The following CSMD1 variants were observed in gnomAD, a reference collection of about 807,000 sequenced individuals.
CSMD1 encodes CUB and Sushi multiple domains 1, also known as CUB and sushi domain-containing protein 1.
CSMD1 carries 213 observed loss-of-function variants against 417.5 expected under a neutral mutation model. The observed-to-expected ratio is 0.51, with a 90% CI of 0.46 to 0.57. The LOEUF is 0.57. CSMD1 is among the 20% of genes least tolerant of loss of function. The pLI is 0.00. For missense variants in CSMD1, 6,923 were observed against 4,529.7 expected (o/e 1.53, Z -15.17); for synonymous variants, 2,862 against 1,736.8 (o/e 1.65, Z -16.11).
chr8:4,011,456 A>G (rs1168964292), intron 4 of CSMD1, among the ~76,000 whole-genome samples: 1 of 152,060 alleles, frequency 6.6e-6, no homozygotes, highest in Non-Finnish European at 1.5e-5. Context: ...AGATGTCCAC[A>G]TTTGCGGTCT....
At chr8:3,081,453 T>G (rs1394982838) in intron 49 of CSMD1, among the ~76,000 whole-genome samples, 1 of 152,228 alleles carries the variant, frequency 6.6e-6, no homozygotes, top group Admixed American at 6.5e-5. Flanking sequence ...TTGCTATTTT[T>G]TAAAATTATT....
At chr8:3,181,453 A>G (rs894366657) in intron 36 of CSMD1, among the ~76,000 whole-genome samples, 3 of 152,194 alleles carry the variant, frequency 2.0e-5, no homozygotes, top group African/African-American at 7.2e-5. Context: ...TTTCTCTTGT[A>G]CAAAAACTCC....
intron 2 of CSMD1, among the ~76,000 whole-genome samples, chr8:4,449,004 T>C (rs1798976258): frequency 1.3e-5 from 2 of 152,308 alleles, no homozygotes; most frequent in South Asian, 4.1e-4. Context: ...GTATTATTTA[T>C]TACTTGTGTG....
intron 2 of CSMD1, among the ~76,000 whole-genome samples, chr8:4,543,671 GAAAAA>G (rs35739254): frequency 2.3e-3 from 134 of 57,334 alleles, no homozygotes; most frequent in African/African-American, 7.9e-3. Flanking sequence ...GTTTAATTTT[GAAAAA>G]AAAAAAAAAA....
At chr8:3,854,450 T>C (rs1804149464) in intron 5 of CSMD1, among the ~76,000 whole-genome samples, 1 of 152,138 alleles carries the variant, frequency 6.6e-6, no homozygotes, top group South Asian at 2.1e-4. Flanking sequence ...CAGTACAACT[T>C]CAAAATTACT....
rs562460005 is a variant in CSMD1, at chr8:4,897,521, G to C, written c.85+96811C>G. 2.6e-5 allele frequency among the ~76,000 whole-genome samples: 4 copies of C among 152,022 alleles called. No individual in the cohort carries two copies. The South Asian group carries it at 8.3e-4, about 32-fold the overall frequency. ...GGCTATAACCTCTCATATCCTATTC[G>C]GTGACAAAATTAAACTATGTGCTAG... On this transcript the variant is annotated intron_variant, in intron 1 of 69. Transcript: ENST00000635120.
chr8:4,608,922 C>A (rs1329446511), intron 2 of CSMD1, among the ~76,000 whole-genome samples: 2 of 152,000 alleles, frequency 1.3e-5, no homozygotes, highest in African/African-American at 2.4e-5. Context: ...CAAAGTTAAG[C>A]CCTGTAAACC....
chr8:3,819,888 C>T (rs762348837), intron 5 of CSMD1, among the ~76,000 whole-genome samples: 55 of 152,136 alleles, frequency 3.6e-4, no homozygotes, highest in Non-Finnish European at 5.9e-4. Flanking sequence ...AGCAGGGATC[C>T]AGAGTGCTAT....
intron 12 of CSMD1, among the ~76,000 whole-genome samples, chr8:3,431,874 A>G (rs1814237784): frequency 6.6e-6 from 1 of 152,218 alleles, no homozygotes; most frequent in Admixed American, 6.5e-5. Flanking sequence ...ACAGTGAGAT[A>G]AGATATCGGC....
chr8:3,938,148 T>C (rs1047404758), intron 5 of CSMD1, among the ~76,000 whole-genome samples: 2 of 152,144 alleles, frequency 1.3e-5, no homozygotes, highest in Non-Finnish European at 2.9e-5. Context: ...ATTTTATTAA[T>C]TTCTGGTAAT....
chr8:4,470,694 G>A (rs1154076), intron 2 of CSMD1, among the ~76,000 whole-genome samples: 131,765 of 152,224 alleles, frequency 0.87, 57,151 homozygotes, highest in Middle Eastern at 0.96. Flanking sequence ...AGAATGGTAC[G>A]AAAGAGTAAA....
At chr8:3,251,824 C>G (rs1333593982) in intron 26 of CSMD1, among the ~76,000 whole-genome samples, 4 of 152,176 alleles carry the variant, frequency 2.6e-5, no homozygotes, top group Non-Finnish European at 4.4e-5. Flanking sequence ...CTCTTTGAAG[C>G]AGTTGTGAAT....
intron 3 of CSMD1, among the ~76,000 whole-genome samples, chr8:4,070,011 C>T (rs1179085642): frequency 6.6e-6 from 1 of 151,774 alleles, no homozygotes; most frequent in African/African-American, 2.4e-5. Flanking sequence ...GTTCAATGTT[C>T]TTAAGAATTT....
chr8:3,564,838 A>G (rs1799630557), intron 10 of CSMD1, among the ~76,000 whole-genome samples: 2 of 152,186 alleles, frequency 1.3e-5, no homozygotes, highest in Admixed American at 1.3e-4. Flanking sequence ...CAGTTTATGA[A>G]AAAAGTTGCA....
chr8:3,794,796 C>T (rs933871378), intron 5 of CSMD1, among the ~76,000 whole-genome samples: 1 of 152,040 alleles, frequency 6.6e-6, no homozygotes, highest in African/African-American at 2.4e-5. Context: ...AAAGTGACAA[C>T]CAACTTGTCA....
chr8:4,511,010 A>C (rs1343264661), intron 2 of CSMD1, among the ~76,000 whole-genome samples: 1 of 152,040 alleles, frequency 6.6e-6, no homozygotes, highest in Non-Finnish European at 1.5e-5. Context: ...AAGTGCCTTT[A>C]ACCTATGTGG....
At chr8:3,079,886 G>A (rs1368471364) in intron 49 of CSMD1, among the ~76,000 whole-genome samples, 4 of 152,074 alleles carry the variant, frequency 2.6e-5, no homozygotes, top group South Asian at 2.1e-4. Context: ...ACATATCCAC[G>A]TGCATCCTCT....
intron 2 of CSMD1, among the ~76,000 whole-genome samples, chr8:4,500,389 AG>A (rs1306611724): frequency 6.6e-6 from 1 of 152,244 alleles, no homozygotes; most frequent in African/African-American, 2.4e-5. Context: ...CATATATCAC[AG>A]CCCGAAAAAA....
Position 2,972,161 on chromosome 8 carries a change from T to C in CSMD1, c.8923+956A>G, listed in dbSNP as rs557128133. ...ATATAATATAGATAGATCATATACA[T>C]ACATTATTTCTATTTACCTATATAG... On this transcript the variant is annotated intron_variant, in intron 57 of 69. Transcript: ENST00000635120. Among the ~76,000 whole-genome samples, 122 of 152,226 alleles carry C rather than the reference T, an allele frequency of 8.0e-4. 1 individual carries two copies. Among genetic ancestry groups the C allele is most frequent in the African/African-American group, 2.9e-3 (120 of 41,562 alleles).
Sources: gnomAD v4.1 joint callset for allele counts (sites outside exome capture counted in the v4.1 genomes callset) on GRCh38, gnomAD v4.1.1 for gene constraint, MANE v1.5 for transcripts, NCBI Gene and HGNC (gene_info 2026-07-23, HGNC 2026-07-21) for gene names.